The following ATF7 variants were observed in gnomAD, a reference collection of about 807,000 sequenced individuals.
ATF7 encodes the protein activating transcription factor 7.
ATF7 carries 10 observed loss-of-function variants against 50.4 expected under a neutral mutation model. That is an observed-to-expected ratio of 0.20 (90% CI 0.12 to 0.34). The LOEUF (loss-of-function observed/expected upper bound fraction) is 0.34. Ranked by LOEUF, ATF7 falls within the 10% of genes least tolerant of loss-of-function variation. ATF7 has a pLI of 1.00. For synonymous variants in ATF7, 201 were observed against 226.4 expected, an observed-to-expected ratio of 0.89 and a Z score of 1.01; for missense variants, 465 against 613.9, an observed-to-expected ratio of 0.76 and a Z score of 2.56.
At chr12:53,532,032 A>G in intron 8 of ATF7, 136 bp from the exon 9 acceptor site, 2 of 1,024,062 alleles carry the variant, frequency 2.0e-6, no homozygotes, top group Non-Finnish European at 2.8e-6. Context: ...CAGAGGAATT[A>G]AGAGAAAATG....
chr12:53,508,523 ACACTC>A (rs1361614376), downstream of ATF7, among the ~76,000 whole-genome samples: 2 of 150,642 alleles, frequency 1.3e-5, no homozygotes, highest in African/African-American at 4.9e-5. Context: ...TGGCACCACT[ACACTC>A]CAGCCTTGGC....
At chr12:53,615,282 G>A (rs774331199) in intron 1 of ATF7, among the ~76,000 whole-genome samples, 13 of 152,078 alleles carry the variant, frequency 8.5e-5, no homozygotes, top group African/African-American at 3.1e-4. Context: ...TACTCGGGAG[G>A]CTGAGGCAGA....
chr12:53,517,188 C>T lies in ATF7; in HGVS notation c.1401G>A (p.Pro467=), dbSNP rs763194889. The T allele has an allele frequency of 1.4e-5, 22 of 1,613,928 alleles. No homozygotes were observed. The highest frequency in any genetic ancestry group is 1.6e-4 in the Middle Eastern group (1 of 6,062). The change falls in exon 12 of 12, where the codon CCG becomes CCA. Residue 467 remains proline, a synonymous_variant. Coordinates refer to ENST00000420353, the MANE Select transcript of ATF7 (RefSeq NM_006856.3). ...MASQRTELSM[P]IQSHVIMTPQ... is the part of the protein sequence containing the mutation. ...GGGTCATGATTACATGCGATTGTAT[C>T]GGCATGCTCAGTTCTGTCCTTTGGC...
chr12:53,589,253 G>A (rs1265459110), intron 2 of ATF7, among the ~76,000 whole-genome samples: 2 of 152,124 alleles, frequency 1.3e-5, no homozygotes. Flanking sequence ...AGTTCTCTGA[G>A]CCTTAGTTTT....
At chr12:53,553,526 G>A (rs1940519030) in intron 2 of ATF7, among the ~76,000 whole-genome samples, 1 of 152,098 alleles carries the variant, frequency 6.6e-6, no homozygotes, top group Non-Finnish European at 1.5e-5. Context: ...AGTAAAATAG[G>A]GTTACTGGAC....
At chr12:53,600,739 A>G (rs1033123090) in intron 2 of ATF7, 1 of 494,438 alleles carries the variant, frequency 2.0e-6, no homozygotes, top group Non-Finnish European at 3.6e-6. Context: ...AACAAACACC[A>G]GTAGAATAAC....
chr12:53,528,093 A>T (rs1202006167), intron 9 of ATF7, among the ~76,000 whole-genome samples: 1 of 151,922 alleles, frequency 6.6e-6, no homozygotes, highest in Non-Finnish European at 1.5e-5. Context: ...CACCCGCCTC[A>T]GCCTCCCAAA....
chr12:53,550,331 A>AAAAT (rs200164879), intron 3 of ATF7, among the ~76,000 whole-genome samples: 249 of 123,614 alleles, frequency 2.0e-3, no homozygotes, highest in African/African-American at 4.4e-3. Context: ...CTCAAAAAAA[A>AAAAT]AAATAAATAA....
chr12:53,517,063 G>T lies in ATF7; in HGVS notation c.*74C>A. On this transcript the variant is annotated 3_prime_UTR_variant, in exon 12 of 12. Coordinates refer to ENST00000420353, the MANE Select transcript of ATF7 (RefSeq NM_006856.3). ...ATTGCCATGTCCAAGGCAGATGGGA[G>T]GGGATAAGATGACATCTCTCTTGGC... The T allele has an allele frequency of 6.7e-7, 1 of 1,499,180 alleles. No homozygotes were observed. Among genetic ancestry groups the T allele is most frequent in the African/African-American group, 1.4e-5 (1 of 72,982 alleles). 92.9% of individuals were successfully genotyped at this position (1,499,180 alleles called of 1,614,324 possible).
intron 2 of ATF7, among the ~76,000 whole-genome samples, chr12:53,560,088 A>G (rs1039848712): frequency 4.0e-5 from 6 of 151,664 alleles, no homozygotes; most frequent in Non-Finnish European, 8.8e-5. Flanking sequence ...ACACCCGGCT[A>G]ATTTTTTGTG....
At chr12:53,602,000 T>G (rs1421961978) in intron 1 of ATF7, among the ~76,000 whole-genome samples, 1 of 152,260 alleles carries the variant, frequency 6.6e-6, no homozygotes, top group Non-Finnish European at 1.5e-5. Flanking sequence ...GAGAAATTTC[T>G]CATATTCCAA....
At chr12:53,607,985 C>T (rs184095107) in intron 1 of ATF7, among the ~76,000 whole-genome samples, 17 of 151,976 alleles carry the variant, frequency 1.1e-4, no homozygotes, top group African/African-American at 3.1e-4. Flanking sequence ...TCTGGGAGGC[C>T]GAGGCGGGCA....
At chr12:53,563,977 A>G (rs1012818023) in intron 2 of ATF7, among the ~76,000 whole-genome samples, 3 of 152,212 alleles carry the variant, frequency 2.0e-5, no homozygotes, top group Non-Finnish European at 4.4e-5. Flanking sequence ...AGTATGCTAG[A>G]GTTATACTGC....
At chr12:53,554,394 G>C (rs991581903) in intron 2 of ATF7, among the ~76,000 whole-genome samples, 1 of 151,394 alleles carries the variant, frequency 6.6e-6, no homozygotes, top group South Asian at 2.1e-4. Flanking sequence ...GCCTCCCAAA[G>C]TGCTGGTATT....
intron 2 of ATF7, among the ~76,000 whole-genome samples, chr12:53,579,120 T>C (rs936675614): frequency 3.3e-5 from 5 of 152,026 alleles, no homozygotes; most frequent in Admixed American, 2.6e-4. Context: ...TGGTGGTACC[T>C]GTAGTCCCTG....
At chr12:53,608,452 A>G (rs1415597046) in intron 1 of ATF7, among the ~76,000 whole-genome samples, 1 of 152,186 alleles carries the variant, frequency 6.6e-6, no homozygotes, top group Non-Finnish European at 1.5e-5. Context: ...ATAAACACAC[A>G]AGGTAAAACA....
chr12:53,608,410 C>T (rs1334600963), intron 1 of ATF7, among the ~76,000 whole-genome samples: 1 of 152,110 alleles, frequency 6.6e-6, no homozygotes, highest in Non-Finnish European at 1.5e-5. Context: ...TAAACCGTTT[C>T]ATATAGAAAC....
At chr12:53,508,270 T>A (rs1418748843), downstream of ATF7, 1 of 146,082 alleles carries the variant, frequency 6.8e-6, no homozygotes, top group Non-Finnish European at 1.5e-5. Flanking sequence ...TTAAAAACCA[T>A]TTTTTTTTTG....
At chr12:53,583,034 A>G (rs1000112755) in intron 2 of ATF7, among the ~76,000 whole-genome samples, 2 of 152,224 alleles carry the variant, frequency 1.3e-5, no homozygotes, top group Non-Finnish European at 2.9e-5. Flanking sequence ...GGACATCCAC[A>G]TGCAAAAAAA....
Sources: allele counts gnomAD v4.1 joint callset (sites outside exome capture counted in the v4.1 genomes callset), GRCh38; gene constraint gnomAD v4.1.1; transcripts MANE v1.5; gene names NCBI Gene and HGNC (gene_info 2026-07-23, HGNC 2026-07-21).